The following CREBBP variants were observed in gnomAD, a reference collection of about 807,000 sequenced individuals.
CREBBP encodes CREB-binding protein.
A neutral mutation model predicts 265.0 loss-of-function variants in CREBBP; 19 were observed. The ratio of observed to expected loss-of-function variants is 0.07; its 90% CI spans 0.05 to 0.11. CREBBP has a LOEUF of 0.11. CREBBP is among the 10% of genes least tolerant of loss of function. The pLI, the probability that CREBBP is intolerant of heterozygous loss-of-function variation, is 1.00. For synonymous variants in CREBBP, 1,457 were observed against 1,223.7 expected (o/e 1.19, Z -3.98); for missense variants, 2,525 against 3,219.0 (o/e 0.78, Z 5.22).
At chr16:3,852,153 ATTTGTTTTT>A (rs1450555172) in intron 1 of CREBBP, among the ~76,000 whole-genome samples, 2 of 105,834 alleles carry the variant, frequency 1.9e-5, no homozygotes, top group African/African-American at 7.3e-5. Flanking sequence ...CCAATCTTAA[ATTTGTTTTT>A]TTTTTTTTTT....
chr16:3,771,076 A>AT (rs34829024), intron 13 of CREBBP, 90 bp from the exon 14 acceptor site: 19,872 of 1,234,312 alleles, frequency 0.016, 5 homozygotes, highest in Non-Finnish European at 0.018. Flanking sequence ...TGAAAAAAAA[A>AT]TTTTTTTTTT....
chr16:3,754,644 A>C (rs1230378850), intron 19 of CREBBP, among the ~76,000 whole-genome samples: 5 of 152,144 alleles, frequency 3.3e-5, no homozygotes, highest in East Asian at 1.9e-4. Flanking sequence ...TATCACTGGG[A>C]TATCTATAGA....
intron 2 of CREBBP, among the ~76,000 whole-genome samples, chr16:3,849,422 T>TGTGTGTGTGTGTGTG (rs1567360017): frequency 4.2e-4 from 3 of 7,078 alleles, no homozygotes; most frequent in Non-Finnish European, 2.3e-3. Context: ...TGTGTGTGTG[T>TGTGTGTGTGTGTGTG]GTGTGTGTGT....
At chr16:3,839,118 T>C (rs1448533136) in intron 2 of CREBBP, among the ~76,000 whole-genome samples, 1 of 152,238 alleles carries the variant, frequency 6.6e-6, no homozygotes, top group Non-Finnish European at 1.5e-5. Context: ...GCAGCTACTA[T>C]TATCCTCATT....
chr16:3,765,940 C>G (rs2052841782), intron 16 of CREBBP, among the ~76,000 whole-genome samples: 1 of 152,126 alleles, frequency 6.6e-6, no homozygotes, highest in African/African-American at 2.4e-5. Flanking sequence ...AATCCTTCCC[C>G]CTCAGCCTCC....
intron 16 of CREBBP, among the ~76,000 whole-genome samples, chr16:3,765,746 C>G (rs1009708136): frequency 3.9e-5 from 6 of 152,266 alleles, no homozygotes; most frequent in African/African-American, 1.4e-4. Flanking sequence ...CTCCCAGGCT[C>G]AGGTGATTCT....
At chr16:3,857,248 G>A (rs1032039921) in intron 1 of CREBBP, among the ~76,000 whole-genome samples, 11 of 152,062 alleles carry the variant, frequency 7.2e-5, no homozygotes, top group Non-Finnish European at 7.4e-5. Flanking sequence ...TCTGACCACC[G>A]TGACCACTTT....
intron 16 of CREBBP, among the ~76,000 whole-genome samples, chr16:3,765,348 G>A (rs541576506): frequency 4.3e-4 from 65 of 152,348 alleles, no homozygotes; most frequent in Middle Eastern, 3.4e-3. Flanking sequence ...AAAGATGTGC[G>A]CTGCATAGGC....
intron 20 of CREBBP, among the ~76,000 whole-genome samples, chr16:3,751,052 A>T (rs2052461272): frequency 6.6e-6 from 1 of 151,976 alleles, no homozygotes; most frequent in Non-Finnish European, 1.5e-5. Flanking sequence ...GTGAGACCCC[A>T]TTTCAAAAAA....
intron 2 of CREBBP, among the ~76,000 whole-genome samples, chr16:3,842,585 G>C (rs2054584798): frequency 6.6e-6 from 1 of 152,056 alleles, no homozygotes; most frequent in Non-Finnish European, 1.5e-5. Flanking sequence ...GAAAAAAATA[G>C]TAATATCATG....
At chr16:3,749,888 C>T (rs1195555906) in intron 20 of CREBBP, among the ~76,000 whole-genome samples, 1 of 151,928 alleles carries the variant, frequency 6.6e-6, no homozygotes, top group African/African-American at 2.4e-5. Context: ...CTACATATTC[C>T]ACTATCATTT....
intron 3 of CREBBP, among the ~76,000 whole-genome samples, chr16:3,803,820 C>T (rs2053774470): frequency 6.6e-6 from 1 of 152,088 alleles, no homozygotes; most frequent in African/African-American, 2.4e-5. Context: ...GTGGCTCACA[C>T]CTGTGATGCT....
rs561976660 is a variant in CREBBP, at chr16:3,844,645, G to A, written c.798+5652C>T. ...GCATAAACACTGGCAAAAAATATTGGCAAGGAGAAAATAAAAGTATCAATA... is the reference window on the plus strand; with the variant it reads ...GCATAAACACTGGCAAAAAATATTGACAAGGAGAAAATAAAAGTATCAATA... On this transcript the variant is annotated intron_variant, in intron 2 of 30. Transcript: ENST00000262367. Among the ~76,000 whole-genome samples the A allele has an allele frequency of 2.6e-5, 4 of 152,250 alleles. No homozygotes were observed. In the East Asian group the frequency reaches 5.8e-4, roughly 22 times the overall value.
chr16:3,864,003 G>C (rs1220372905), intron 1 of CREBBP, among the ~76,000 whole-genome samples: 1 of 152,198 alleles, frequency 6.6e-6, no homozygotes, highest in Admixed American at 6.5e-5. Flanking sequence ...TATCCACCCT[G>C]CTTACAGGGA....
At chr16:3,750,061 G>T (rs1280690039) in intron 20 of CREBBP, among the ~76,000 whole-genome samples, 1 of 152,020 alleles carries the variant, frequency 6.6e-6, no homozygotes, top group Non-Finnish European at 1.5e-5. Context: ...CTAATTTTTT[G>T]ATTTTTTGTG....
chr16:3,772,732 T>C (rs1373181329), intron 13 of CREBBP, among the ~76,000 whole-genome samples: 1 of 151,918 alleles, frequency 6.6e-6, no homozygotes, highest in Admixed American at 6.6e-5. Context: ...AGTGAGGAAA[T>C]CTAATATATA....
chr16:3,853,543 G>C (rs986894557), intron 1 of CREBBP, among the ~76,000 whole-genome samples: 1 of 152,138 alleles, frequency 6.6e-6, no homozygotes, highest in African/African-American at 2.4e-5. Context: ...CCAGGAGGCA[G>C]AGCTTGCAGT....
chr16:3,767,488 G>A (rs1439710932), intron 16 of CREBBP: 2 of 604,660 alleles, frequency 3.3e-6, no homozygotes, highest in Admixed American at 6.0e-5. Flanking sequence ...CAGCCTGGGT[G>A]CCCTCGGAGC....
chr16:3,844,970 A>C (rs371696438), intron 2 of CREBBP, among the ~76,000 whole-genome samples: 16 of 152,242 alleles, frequency 1.1e-4, no homozygotes, highest in East Asian at 1.9e-4. Context: ...ATGTATAAGA[A>C]GACTCAGGAA....
Sources: gnomAD v4.1 joint callset for allele counts (sites outside exome capture counted in the v4.1 genomes callset) on GRCh38, gnomAD v4.1.1 for gene constraint, MANE v1.5 for transcripts, NCBI Gene and HGNC (gene_info 2026-07-23, HGNC 2026-07-21) for gene names.